Variants in GPC6 observed in about 807,000 individuals in gnomAD.
GPC6 encodes glypican 6, also known as glypican-6.
GPC6 carries 14 observed loss-of-function variants against 55.2 expected under a neutral mutation model. The observed-to-expected ratio is 0.25, with a 90% confidence interval of 0.17 to 0.40. The LOEUF is 0.40. Among genes scored for constraint, GPC6 ranks in the 10% least tolerant of loss-of-function variants. The pLI, the probability that GPC6 is intolerant of heterozygous loss-of-function variation, is 1.00. For synonymous variants in GPC6, 278 were observed against 259.6 expected, an observed-to-expected ratio of 1.07 and a Z score of -0.68; for missense variants, 641 against 708.5, an observed-to-expected ratio of 0.90 and a Z score of 1.08.
chr13:93,439,657 C>T (rs1877704136), intron 1 of GPC6, among the ~76,000 whole-genome samples: 1 of 147,734 alleles, frequency 6.8e-6, no homozygotes, highest in African/African-American at 2.6e-5. Flanking sequence ...AGTGAAACTA[C>T]ATCTCAAATA....
At chr13:93,451,456 TG>T (rs1878220260) in intron 1 of GPC6, among the ~76,000 whole-genome samples, 1 of 152,218 alleles carries the variant, frequency 6.6e-6, no homozygotes, top group African/African-American at 2.4e-5. Context: ...TTTAAATGGT[TG>T]GGGGAGGGGA....
In GPC6 at chr13:94,015,008, T is replaced by C. The variant is rs1203208497; in HGVS notation, c.712-12721T>C. ...GATGCTATAGACATTTGTGCAAAAGTTTTTTGGGTGATGTATATTTTCATT... is the reference window on the plus strand; with the variant it reads ...GATGCTATAGACATTTGTGCAAAAGCTTTTTGGGTGATGTATATTTTCATT... On this transcript the variant is annotated intron_variant, in intron 3 of 8. Transcript: ENST00000377047. Among the ~76,000 whole-genome samples the C allele has an allele frequency of 2.0e-5, 3 of 152,286 alleles. No individual in the cohort carries two copies. The East Asian group carries it at 5.8e-4, about 29-fold the overall frequency.
At chr13:94,270,822 A>G (rs923714693) in intron 4 of GPC6, among the ~76,000 whole-genome samples, 8 of 152,160 alleles carry the variant, frequency 5.3e-5, no homozygotes, top group African/African-American at 1.9e-4. Context: ...GGAAGTTCTG[A>G]AAGAGTCCGA....
rs1882341428 is a variant in GPC6, at chr13:93,542,243, G to T, written c.161-3020G>T. Among the ~76,000 whole-genome samples the T allele has an allele frequency of 3.9e-5, 6 of 152,082 alleles. No homozygotes were observed. The South Asian group carries it at 1.2e-3, about 32-fold the overall frequency. ...ATCCAGTTTCAGCTTTCTACATATGGCTAGCCAGTTTTCCCAGCACCATTT... is the reference window on the plus strand; with the variant it reads ...ATCCAGTTTCAGCTTTCTACATATGTCTAGCCAGTTTTCCCAGCACCATTT... On this transcript the variant is annotated intron_variant, in intron 1 of 8. Coordinates refer to ENST00000377047, the MANE Select transcript of GPC6 (RefSeq NM_005708.5).
At chr13:94,095,641 G>A (rs561118018) in intron 4 of GPC6, among the ~76,000 whole-genome samples, 4 of 152,244 alleles carry the variant, frequency 2.6e-5, no homozygotes, top group Admixed American at 6.5e-5. Context: ...TTGTTGAATG[G>A]CACAGCTCTT....
chr13:93,823,715 T>C (rs1224738958), intron 2 of GPC6, among the ~76,000 whole-genome samples: 1 of 152,130 alleles, frequency 6.6e-6, no homozygotes, highest in East Asian at 1.9e-4. Flanking sequence ...TTAGTTTGTG[T>C]ATATGGAGGG....
chr13:93,262,820 C>T (rs1276831817), intron 1 of GPC6, among the ~76,000 whole-genome samples: 2 of 152,046 alleles, frequency 1.3e-5, no homozygotes, highest in African/African-American at 2.4e-5. Flanking sequence ...GGACCTGGAC[C>T]CCAGCTGATG....
intron 1 of GPC6, among the ~76,000 whole-genome samples, chr13:93,451,295 C>G (rs1878214075): frequency 6.6e-6 from 1 of 152,224 alleles, no homozygotes; most frequent in African/African-American, 2.4e-5. Context: ...AAAACTTCTG[C>G]TCTATGTGTA....
intron 4 of GPC6, among the ~76,000 whole-genome samples, chr13:94,066,009 C>T (rs1232686396): frequency 6.6e-6 from 1 of 152,158 alleles, no homozygotes; most frequent in East Asian, 1.9e-4. Flanking sequence ...AAGCATAGTT[C>T]CCTGTTATTT....
At chr13:94,217,764 G>A (rs1890266521) in intron 4 of GPC6, among the ~76,000 whole-genome samples, 1 of 152,120 alleles carries the variant, frequency 6.6e-6, no homozygotes, top group African/African-American at 2.4e-5. Flanking sequence ...CACAGGCTTC[G>A]GCATCAAGGA....
intron 6 of GPC6, among the ~76,000 whole-genome samples, chr13:94,380,750 C>A (rs1162625581): frequency 6.6e-6 from 1 of 152,174 alleles, no homozygotes; most frequent in Non-Finnish European, 1.5e-5. Flanking sequence ...AGAGAGCCAG[C>A]ATACAAATTT....
At chr13:94,393,630 G>T (rs1880766177) in intron 7 of GPC6, among the ~76,000 whole-genome samples, 2 of 152,114 alleles carry the variant, frequency 1.3e-5, no homozygotes, top group Admixed American at 1.3e-4. Flanking sequence ...CTGAGAAGAA[G>T]CCCAGACCGG....
chr13:93,466,536 T>C (rs1594190063), intron 1 of GPC6, among the ~76,000 whole-genome samples: 2 of 152,198 alleles, frequency 1.3e-5, no homozygotes, highest in South Asian at 4.1e-4. Context: ...TCTGTATTGT[T>C]TAGGTTACAG....
At chr13:93,566,547 GT>G (rs386380255) in intron 2 of GPC6, among the ~76,000 whole-genome samples, 26 of 32,484 alleles carry the variant, frequency 8.0e-4, no homozygotes, top group South Asian at 3.0e-3. Flanking sequence ...TTTTTTGCTT[GT>G]TTTTTTTTAT....
At chr13:94,007,194 C>T (rs941638385) in intron 3 of GPC6, among the ~76,000 whole-genome samples, 11 of 152,172 alleles carry the variant, frequency 7.2e-5, no homozygotes, top group Admixed American at 7.2e-4. Context: ...GAAGTTCCTC[C>T]CCTGGCTTTC....
chr13:93,587,659 G>A (rs1877269394), intron 2 of GPC6, among the ~76,000 whole-genome samples: 1 of 152,026 alleles, frequency 6.6e-6, no homozygotes, highest in Admixed American at 6.6e-5. Flanking sequence ...ATTCCGTGGA[G>A]TCCTGCTCTC....
At chr13:93,676,559 G>A (rs1881641622) in intron 2 of GPC6, among the ~76,000 whole-genome samples, 1 of 152,130 alleles carries the variant, frequency 6.6e-6, no homozygotes, top group African/African-American at 2.4e-5. Context: ...GAACTAGAGA[G>A]TATATGTGCA....
intron 1 of GPC6, among the ~76,000 whole-genome samples, chr13:93,312,820 A>T (rs1016389329): frequency 6.6e-6 from 1 of 152,156 alleles, no homozygotes; most frequent in Non-Finnish European, 1.5e-5. Flanking sequence ...TTAAAACCTG[A>T]TGTGCCTAAG....
chr13:93,455,443 G>A (rs1200216526), intron 1 of GPC6, among the ~76,000 whole-genome samples: 1 of 151,962 alleles, frequency 6.6e-6, no homozygotes, highest in African/African-American at 2.4e-5. Flanking sequence ...GCTTGGGTAT[G>A]TTTGGCTTTA....
Sources: gnomAD v4.1 joint callset for allele counts (sites outside exome capture counted in the v4.1 genomes callset) on GRCh38, gnomAD v4.1.1 for gene constraint, MANE v1.5 for transcripts, NCBI Gene and HGNC (gene_info 2026-07-23, HGNC 2026-07-21) for gene names.